Variants in SYNE1 observed in about 807,000 individuals in gnomAD.
SYNE1 encodes the protein nesprin-1.
In SYNE1, 616 loss-of-function variants were observed where a neutral mutation model predicts 1,111.0. The ratio of observed to expected loss-of-function variants is 0.55; its 90% CI spans 0.52 to 0.59. SYNE1 has a LOEUF of 0.59. Among genes scored for constraint, SYNE1 ranks in the 20% least tolerant of loss-of-function variants. SYNE1 has a pLI of 0.00. For missense variants in SYNE1, 10,006 were observed against 10,417.0 expected (o/e 0.96, Z 1.72); for synonymous variants, 3,855 against 3,825.8 (o/e 1.01, Z -0.28).
In SYNE1 at chr6:152,135,142, C is replaced by A; in HGVS notation, c.25750G>T (p.Asp8584Tyr). ...TGATGGTCCTGAAGTATCTCTGCAT[C>A]AAGGTTAGAATCAATAGGGACAATT... The part of the protein sequence containing the change: ...NEIVPIDSNL[D>Y]AEILQDHHKQ... The change falls in exon 142 of 146, where the codon GAT (aspartate) becomes TAT (tyrosine). Residue 8584 changes from aspartate (D) to tyrosine (Y), a missense_variant. Physicochemically the swap from Asp to Tyr is radical, Grantham distance 160. Coordinates refer to ENST00000367255, the MANE Select transcript of SYNE1 (RefSeq NM_182961.4). 6.2e-7 allele frequency: 1 copy of A among 1,614,124 alleles called. No individual in the cohort carries two copies. Among genetic ancestry groups the A allele is most frequent in the Non-Finnish European group, 8.5e-7 (1 of 1,180,012 alleles).
chr6:152,376,974 C>T, intron 56 of SYNE1, 62 bp from the exon 57 acceptor site: 1 of 1,577,756 alleles, frequency 6.3e-7, no homozygotes, highest in East Asian at 2.2e-5. Flanking sequence ...CATATCTTCA[C>T]ACTATACATG....
In SYNE1 at chr6:152,628,887, A is replaced by G. The variant is rs17082883; in HGVS notation, c.-223-333T>C. Among the ~76,000 whole-genome samples the G allele has an allele frequency of 3.0e-3, 455 of 152,250 alleles. 16 individuals carry two copies. The East Asian group carries it at 0.08, about 27-fold the overall frequency. ...GTTTCCCTTATACTAAAAACACTCA[A>G]TTCTAGTTTTCAATATGCACGGGTT... On this transcript the variant is annotated intron_variant, in intron 2 of 145. Coordinates refer to ENST00000367255, the MANE Select transcript of SYNE1 (RefSeq NM_182961.4).
intron 5 of SYNE1, among the ~76,000 whole-genome samples, chr6:152,523,862 GC>G (rs1294675191): frequency 1.3e-5 from 2 of 152,088 alleles, no homozygotes; most frequent in African/African-American, 4.8e-5. Flanking sequence ...GGTGGCTGTT[GC>G]TATATAAAAG....
intron 87 of SYNE1, chr6:152,315,958 A>C (rs543609342): frequency 2.0e-5 from 3 of 152,358 alleles, no homozygotes; most frequent in Non-Finnish European, 1.5e-5. Context: ...TAAAGGCCAC[A>C]AGGATACATA....
chr6:152,542,833 G>A (rs1194480401), intron 3 of SYNE1, among the ~76,000 whole-genome samples: 2 of 152,016 alleles, frequency 1.3e-5, no homozygotes, highest in East Asian at 1.9e-4. Context: ...AATCAAGGTA[G>A]GTTGGATGGA....
rs1412183127 is a variant in SYNE1, at chr6:152,391,411, G to C, written c.7870C>G (p.Gln2624Glu). 6.2e-7 allele frequency: 1 copy of C among 1,613,918 alleles called. No homozygotes were observed. The highest frequency in any genetic ancestry group is 8.5e-7 in the Non-Finnish European group (1 of 1,179,980). Residue 2624 changes from glutamine to glutamate, a missense_variant, in exon 52 of 146, where the codon CAG becomes GAG. Transcript: ENST00000367255. ...GCTTCCTCCAGGGCTTCGTGCTCCTGAAGGGCCACCTGGCAGCTCCGGAGT... is the reference window on the plus strand; with the variant it reads ...GCTTCCTCCAGGGCTTCGTGCTCCTCAAGGGCCACCTGGCAGCTCCGGAGT... Reference protein sequence around the residue: ...EKLRSCQVALQEHEALEEALQ... With the variant: ...EKLRSCQVALEEHEALEEALQ...
chr6:152,212,374 C>T lies in SYNE1; in HGVS notation c.22495-786G>A, dbSNP rs116501487. Among the ~76,000 whole-genome samples, 1,433 of 152,188 alleles carry T rather than the reference C, an allele frequency of 9.4e-3. 25 individuals are homozygous for T. The highest frequency in any genetic ancestry group is 0.033 in the African/African-American group (1,352 of 41,534). ...GACATTTCTTGTAAATGGAATCTTG[C>T]GATATGTAGTCTTTTGTGACTGGTT... On this transcript the variant is annotated intron_variant, in intron 123 of 145. Transcript: ENST00000367255.
At chr6:152,359,264 C>T (rs2096891239) in intron 65 of SYNE1, 51 bp downstream of exon 65, 3 of 1,611,908 alleles carry the variant, frequency 1.9e-6, no homozygotes, top group East Asian at 4.5e-5. Context: ...AGGAGCACAG[C>T]TCCAAACACT....
chr6:152,507,868 A>G (rs1322230481), intron 8 of SYNE1, among the ~76,000 whole-genome samples: 2 of 152,216 alleles, frequency 1.3e-5, no homozygotes, highest in Non-Finnish European at 2.9e-5. Flanking sequence ...TAGAGGGCTT[A>G]ACTATCTTAT....
intron 23 of SYNE1, 23 bp downstream of exon 23, chr6:152,455,863 C>G (rs775157221): frequency 6.2e-7 from 1 of 1,613,882 alleles, no homozygotes; most frequent in Non-Finnish European, 8.5e-7. Context: ...GCTCACAGCT[C>G]TAAAGCAGGG....
chr6:152,335,188 C>T (rs1394300884), intron 76 of SYNE1: 1 of 152,138 alleles, frequency 6.6e-6, no homozygotes, highest in Non-Finnish European at 1.5e-5. Context: ...CTCCCACTAC[C>T]CAAAAAACAC....
Position 152,239,416 on chromosome 6 carries a change from C to T in SYNE1, c.20067+117G>A, listed in dbSNP as rs114525547. The T allele has an allele frequency of 3.6e-3, 4,433 of 1,217,268 alleles. 112 individuals are homozygous for T. In the African/African-American group the frequency reaches 0.054, roughly 15 times the overall value. 75.4% of individuals were successfully genotyped at this position (1,217,268 alleles called of 1,614,324 possible). On this transcript the variant is annotated intron_variant, in intron 108 of 145. Transcript: ENST00000367255. ...AAAAGTGCAGTCCTGAGCCCGAGAGCGCAGCTAGTTCTGAGGTTATGTGAG... is the reference window on the plus strand; with the variant it reads ...AAAAGTGCAGTCCTGAGCCCGAGAGTGCAGCTAGTTCTGAGGTTATGTGAG...
chr6:152,625,270 C>T (rs1217863192), intron 3 of SYNE1, among the ~76,000 whole-genome samples: 2 of 152,184 alleles, frequency 1.3e-5, no homozygotes, highest in African/African-American at 4.8e-5. Context: ...TCTCCTCTTT[C>T]TGTGGAGATT....
intron 127 of SYNE1, among the ~76,000 whole-genome samples, chr6:152,195,945 C>T (rs1348353226): frequency 1.3e-5 from 2 of 152,176 alleles, no homozygotes; most frequent in Non-Finnish European, 2.9e-5. Context: ...TAGAAATCTA[C>T]CTGGTGCTCT....
intron 105 of SYNE1, among the ~76,000 whole-genome samples, chr6:152,247,750 T>TATATATATATATAC (rs1432898834): frequency 8.9e-6 from 1 of 112,376 alleles, no homozygotes; most frequent in African/African-American, 3.6e-5. Context: ...TATATATATA[T>TATATATATATATAC]ACACACACAC....
intron 2 of SYNE1, among the ~76,000 whole-genome samples, chr6:152,634,234 G>A (rs183336792): frequency 6.6e-6 from 1 of 152,198 alleles, no homozygotes; most frequent in South Asian, 2.1e-4. Context: ...CAGAGACAAC[G>A]TGGCTCATTT....
At chr6:152,341,223 A>G (rs985213156) in intron 74 of SYNE1, among the ~76,000 whole-genome samples, 2 of 152,228 alleles carry the variant, frequency 1.3e-5, no homozygotes, top group African/African-American at 4.8e-5. Flanking sequence ...CAAGTACCAC[A>G]TCATGCACCT....
chr6:152,234,540 G>C, intron 111 of SYNE1, 128 bp downstream of exon 111: 1 of 1,061,488 alleles, frequency 9.4e-7, no homozygotes, highest in Non-Finnish European at 1.5e-6. Context: ...TGATCTGACT[G>C]CTTGGCCTCC....
intron 3 of SYNE1, among the ~76,000 whole-genome samples, chr6:152,600,030 T>C (rs2099592429): frequency 6.6e-6 from 1 of 152,136 alleles, no homozygotes; most frequent in Non-Finnish European, 1.5e-5. Context: ...CTATAAAATG[T>C]CTCCCCTTTA....
Sources: allele counts gnomAD v4.1 joint callset (sites outside exome capture counted in the v4.1 genomes callset), GRCh38; gene constraint gnomAD v4.1.1; transcripts MANE v1.5; gene names NCBI Gene and HGNC (gene_info 2026-07-23, HGNC 2026-07-21).